HDAC9: variants seen among roughly 807,000 people sequenced by gnomAD.
The protein encoded by HDAC9 is MEF-2 interacting transcription repressor (MITR) protein.
HDAC9 carries 41 observed loss-of-function variants against 139.4 expected under a neutral mutation model. The ratio of observed to expected loss-of-function variants is 0.29; its 90% CI spans 0.23 to 0.38. The LOEUF is 0.38. Among genes scored for constraint, HDAC9 ranks in the 10% least tolerant of loss-of-function variants. HDAC9 has a pLI of 1.00. For missense variants in HDAC9, 1,147 were observed against 1,297.0 expected (o/e 0.88, Z 1.78); for synonymous variants, 517 against 476.2 (o/e 1.09, Z -1.12).
intron 2 of HDAC9, among the ~76,000 whole-genome samples, chr7:18,241,452 A>G (rs1406908023): frequency 1.3e-5 from 2 of 152,050 alleles, no homozygotes; most frequent in East Asian, 1.9e-4. Flanking sequence ...GGCTGCTCAG[A>G]TTCTGTGTAC....
chr7:18,874,827 A>G (rs908227576), intron 22 of HDAC9, among the ~76,000 whole-genome samples: 1 of 152,174 alleles, frequency 6.6e-6, no homozygotes, highest in Non-Finnish European at 1.5e-5. Context: ...CATTTCAGAA[A>G]TCGTATGCTT....
At chr7:18,430,549 C>T (rs1187153284) in intron 1 of HDAC9, 1 of 152,044 alleles carries the variant, frequency 6.6e-6, no homozygotes, top group African/African-American at 2.4e-5. Context: ...TAATTATCTA[C>T]ACACATACAA....
At position 18,688,068 on chromosome 7, in the gene HDAC9, T is replaced by TATATATACAC. The variant is rs1470528435; in HGVS notation, c.1731+21594_1731+21603dup. ...TAACCTGAAAATTGAGCAAAATGAC[T>TATATATACAC]ATATATACACACACACACTTATATA... On this transcript the variant is annotated intron_variant, in intron 12 of 25. Coordinates refer to ENST00000686413, the MANE Select transcript of HDAC9 (RefSeq NM_178425.4). 2.3e-4 allele frequency among the ~76,000 whole-genome samples: 35 copies of TATATATACAC among 151,956 alleles called. 2 individuals are homozygous for TATATATACAC. The highest frequency in any genetic ancestry group is 8.4e-4 in the African/African-American group (35 of 41,520).
chr7:18,490,391 T>C (rs1312911710), intron 1 of HDAC9, among the ~76,000 whole-genome samples: 1 of 152,060 alleles, frequency 6.6e-6, no homozygotes, highest in African/African-American at 2.4e-5. Flanking sequence ...GAAGAGTTAT[T>C]TTCAATCACT....
At chr7:18,124,792 C>G (rs1006131033) in intron 1 of HDAC9, among the ~76,000 whole-genome samples, 1 of 152,160 alleles carries the variant, frequency 6.6e-6, no homozygotes, top group Non-Finnish European at 1.5e-5. Flanking sequence ...CCATATTGCC[C>G]ATTCTAGAGC....
chr7:18,762,087 T>C, intron 14 of HDAC9, 70 bp from the exon 15 acceptor site: 1 of 1,524,478 alleles, frequency 6.6e-7, no homozygotes, highest in South Asian at 1.1e-5. Context: ...ATCTTAAATG[T>C]GACTTGGGGT....
At position 18,435,712 on chromosome 7, in the gene HDAC9, C is replaced by T. The variant is rs1004563759; in HGVS notation, c.-41-60550C>T. ...ATCAACTTATTGTGAAATATTTATGCATTTGTGCAAGCTCATTCATACAGA... is the reference window on the plus strand; with the variant it reads ...ATCAACTTATTGTGAAATATTTATGTATTTGTGCAAGCTCATTCATACAGA... On this transcript the variant is annotated intron_variant, in intron 1 of 3. Transcript: ENST00000413509. 2.6e-5 allele frequency among the ~76,000 whole-genome samples: 4 copies of T among 151,344 alleles called. No individual in the cohort carries two copies. The East Asian group carries it at 7.8e-4, about 30-fold the overall frequency.
chr7:18,976,560 T>C (rs994287265), intron 25 of HDAC9, among the ~76,000 whole-genome samples: 16 of 152,224 alleles, frequency 1.1e-4, no homozygotes, highest in African/African-American at 3.9e-4. Flanking sequence ...TTGGTTTTAA[T>C]GTATCTTCTT....
chr7:18,943,127 T>C (rs1191032258), intron 23 of HDAC9, among the ~76,000 whole-genome samples: 2 of 152,070 alleles, frequency 1.3e-5, no homozygotes, highest in Non-Finnish European at 2.9e-5. Context: ...TGGCATTTAA[T>C]GTGAGCCAAG....
chr7:18,701,221 A>T (rs1436274082), intron 12 of HDAC9, among the ~76,000 whole-genome samples: 4 of 152,084 alleles, frequency 2.6e-5, no homozygotes, highest in African/African-American at 9.7e-5. Context: ...CAAACAAGAA[A>T]ACAACTCTCC....
intron 2 of HDAC9, among the ~76,000 whole-genome samples, chr7:18,269,317 G>A (rs777001052): frequency 1.6e-4 from 25 of 152,102 alleles, no homozygotes; most frequent in Non-Finnish European, 2.9e-4. Context: ...TAGGGCTTTG[G>A]AAAAAATGAG....
chr7:18,213,879 T>A (rs1234802621), intron 2 of HDAC9, among the ~76,000 whole-genome samples: 1 of 152,136 alleles, frequency 6.6e-6, no homozygotes, highest in Non-Finnish European at 1.5e-5. Context: ...AAGGATCTCT[T>A]GAGTCATAAT....
At chr7:18,855,674 C>T (rs12699994) in intron 21 of HDAC9, among the ~76,000 whole-genome samples, 51,731 of 151,396 alleles carry the variant, frequency 0.34, 9,213 homozygotes, top group South Asian at 0.52. Flanking sequence ...TTCTGCTTGC[C>T]GTTCTGTCAG....
At chr7:18,192,977 A>T (rs1790460276) in intron 2 of HDAC9, among the ~76,000 whole-genome samples, 1 of 152,134 alleles carries the variant, frequency 6.6e-6, no homozygotes, top group Non-Finnish European at 1.5e-5. Context: ...ATTTTATTTG[A>T]GTGGGTCTCC....
intron 2 of HDAC9, among the ~76,000 whole-genome samples, chr7:18,246,669 G>T (rs1268254839): frequency 6.6e-6 from 1 of 152,104 alleles, no homozygotes; most frequent in Non-Finnish European, 1.5e-5. Context: ...AGTAATGGGG[G>T]CTGAGCCGGA....
At chr7:18,977,959 C>CAG (rs1554417573) in intron 25 of HDAC9, among the ~76,000 whole-genome samples, 5 of 140,492 alleles carry the variant, frequency 3.6e-5, no homozygotes, top group African/African-American at 5.2e-5. Flanking sequence ...CACACACACA[C>CAG]AGAAAGAGAG....
At chr7:18,247,664 A>T (rs868125802) in intron 2 of HDAC9, among the ~76,000 whole-genome samples, 19 of 152,326 alleles carry the variant, frequency 1.2e-4, no homozygotes, top group Middle Eastern at 3.4e-3. Context: ...ATATTTCTTA[A>T]TTATTCTAAC....
chr7:18,496,298 A>G lies in HDAC9; in HGVS notation c.-5A>G. ...GGACGAGAGCAGCTCTTGGCTCAGC[A>G]AAGAATGCACAGTATGATCAGCTCA... On this transcript the variant is annotated 5_prime_UTR_variant, in exon 2 of 26. Coordinates refer to ENST00000686413, the MANE Select transcript of HDAC9 (RefSeq NM_178425.4). The G allele has an allele frequency of 1.2e-6, 2 of 1,613,210 alleles. No homozygotes were observed. Among genetic ancestry groups the G allele is most frequent in the Non-Finnish European group, 1.7e-6 (2 of 1,179,442 alleles).
chr7:18,186,853 T>A (rs530745540), intron 2 of HDAC9, among the ~76,000 whole-genome samples: 19 of 152,386 alleles, frequency 1.2e-4, no homozygotes, highest in South Asian at 8.3e-4. Flanking sequence ...AGCAGATTTT[T>A]ATTTTCTAAT....
Sources: allele counts gnomAD v4.1 joint callset (sites outside exome capture counted in the v4.1 genomes callset), GRCh38; gene constraint gnomAD v4.1.1; transcripts MANE v1.5; gene names NCBI Gene and HGNC (gene_info 2026-07-23, HGNC 2026-07-21).